The following ARHGAP11A variants were observed in gnomAD, a reference collection of about 807,000 sequenced individuals.
The protein encoded by ARHGAP11A is rho GTPase-activating protein 11A.
In ARHGAP11A, 36 loss-of-function variants were observed where a neutral mutation model predicts 60.5. The ratio of observed to expected loss-of-function variants is 0.59; its 90% CI spans 0.46 to 0.79. The LOEUF (loss-of-function observed/expected upper bound fraction) is 0.79. Among genes scored for constraint, ARHGAP11A ranks in the 30% least tolerant of loss-of-function variants. ARHGAP11A has a pLI of 0.00. For synonymous variants in ARHGAP11A, 362 were observed against 415.5 expected, an observed-to-expected ratio of 0.87 and a Z score of 1.57; for missense variants, 1,071 against 1,199.2, an observed-to-expected ratio of 0.89 and a Z score of 1.58.
Position 32,624,307 on chromosome 15 carries a change from T to G in ARHGAP11A, c.432T>G (p.Ala144=). 6.2e-7 allele frequency: 1 copy of G among 1,613,860 alleles called. No individual in the cohort carries two copies. Among genetic ancestry groups the G allele is most frequent in the Non-Finnish European group, 8.5e-7 (1 of 1,179,860 alleles). ...PADLHEALLK[A]QQLGTEEKNK... The stretch of plus-strand genomic sequence containing the variant: ...ATTTGCATGAAGCACTTTTGAAAGC[T>G]CAACAGTTAGGCACAGAGGAAAAGA... Residue 144 remains alanine (A), a synonymous_variant, in exon 4 of 12, where the codon GCT becomes GCG. Coordinates refer to ENST00000361627, the MANE Select transcript of ARHGAP11A (RefSeq NM_014783.6).
chr15:32,616,777 C>T (rs559060855), intron 1 of ARHGAP11A, among the ~76,000 whole-genome samples: 3 of 152,280 alleles, frequency 2.0e-5, no homozygotes, highest in South Asian at 4.1e-4. Flanking sequence ...AAACTCTACC[C>T]CTCCACCCTT....
intron 8 of ARHGAP11A, 25 bp from the exon 9 acceptor site, chr15:32,632,954 A>G: frequency 6.2e-7 from 1 of 1,602,054 alleles, no homozygotes; most frequent in Non-Finnish European, 8.5e-7. Flanking sequence ...TATGTGTGGT[A>G]TATTACATGT....
chr15:32,637,977 A>AT lies in ARHGAP11A; in HGVS notation c.*139dup, dbSNP rs983993165. The AT allele has an allele frequency of 2.4e-6, 2 of 841,186 alleles. No homozygotes were observed. Among genetic ancestry groups the AT allele is most frequent in the South Asian group, 4.2e-5 (2 of 47,414 alleles). The allele number at this position is 841,186 out of a possible 1,614,324, so 52.1% of individuals were successfully genotyped here. A position where few individuals can be genotyped will look rare whatever the true frequency, so the allele number is the denominator to read the frequency against. On this transcript the variant is annotated 3_prime_UTR_variant, in exon 12 of 12. Coordinates refer to ENST00000361627, the MANE Select transcript of ARHGAP11A (RefSeq NM_014783.6). ...AGATTTGCTCTATTGAAAATGTTTC[A>AT]TTTTTTTCACTGTACAAGCAACTTA...
chr15:32,616,050 G>A lies in ARHGAP11A; in HGVS notation c.-162G>A. 7 of 976,796 alleles carry A rather than the reference G, an allele frequency of 7.2e-6. No homozygotes were observed. The highest frequency in any genetic ancestry group is 1.0e-5 in the Non-Finnish European group (7 of 670,084). The allele number at this position is 976,796 out of a possible 1,614,324, so 60.5% of individuals were successfully genotyped here. On this transcript the variant is annotated 5_prime_UTR_variant, in exon 1 of 12. Transcript: ENST00000361627. Reference sequence around the variant, plus strand: ...GGATGTGAGTGAGGATCAAGGAAAAGCCGTGGAAGTGGCCGGGGGTCGGGG... The same window carrying A: ...GGATGTGAGTGAGGATCAAGGAAAAACCGTGGAAGTGGCCGGGGGTCGGGG...
At chr15:32,621,700 C>CT in intron 2 of ARHGAP11A, among the ~76,000 whole-genome samples, 1 of 152,306 alleles carries the variant, frequency 6.6e-6, no homozygotes, top group Non-Finnish European at 1.5e-5. Context: ...TAGCACGCAC[C>CT]TGTAGTTCCA....
rs2140455926 is a variant in ARHGAP11A, at chr15:32,625,546, T to C, written c.775T>C (p.Cys259Arg). The C allele has an allele frequency of 6.2e-7, 1 of 1,613,874 alleles. No homozygotes were observed. Among genetic ancestry groups the C allele is most frequent in the East Asian group, 2.2e-5 (1 of 44,868 alleles). The change falls in exon 6 of 12, where the codon TGT (cysteine) becomes CGT (arginine). Residue 259 changes from cysteine to arginine, a missense_variant. Physicochemically the swap from Cys to Arg is radical, Grantham distance 180. This residue lies in a region of ARHGAP11A where 196 missense variants were observed against 272.1 expected (regional missense o/e 0.72). Coordinates refer to ENST00000361627, the MANE Select transcript of ARHGAP11A (RefSeq NM_014783.6). ...AGCCATGTTGGGTATTGATGGTCTC[T>C]GTGCTACTCCATCACTGGAAGGCTT... ...IPAMLGIDGL[C>R]ATPSLEGFEE...
intron 9 of ARHGAP11A, among the ~76,000 whole-genome samples, chr15:32,633,466 C>T (rs2053631927): frequency 6.6e-6 from 1 of 151,992 alleles, no homozygotes; most frequent in Non-Finnish European, 1.5e-5. Context: ...CATGGCAAAA[C>T]CTCATCTCTA....
rs1233023636 is a variant in ARHGAP11A, at chr15:32,625,621, CAA to C, written c.852_853del (p.Ser285CysfsTer6). 2 of 1,613,868 alleles carry C rather than the reference CAA, an allele frequency of 1.2e-6. No homozygotes were observed. The highest frequency in any genetic ancestry group is 1.7e-5 in the Admixed American group (1 of 60,012). On this transcript the variant is annotated frameshift_variant, in exon 6 of 12. Transcript: ENST00000361627. LOFTEE classifies it high-confidence loss of function. ...TGGTGAATATAAGAGAAAGAGAAGA[CAA>C]AGTGTAGGAGGTAAGTGGCGGTCCC... ...TPGEYKRKRR[Q>X]SVGDFVSGAL... is the part of the protein sequence containing the mutation.
At chr15:32,619,968 T>C in intron 1 of ARHGAP11A, 140 bp from the exon 2 acceptor site, 3 of 1,463,950 alleles carry the variant, frequency 2.0e-6, no homozygotes, top group African/African-American at 1.4e-5. Context: ...CTTGAAATGA[T>C]TATTTTTGTC....
At chr15:32,619,827 T>A (rs963011252) in intron 1 of ARHGAP11A, among the ~76,000 whole-genome samples, 8 of 151,898 alleles carry the variant, frequency 5.3e-5, no homozygotes, top group African/African-American at 1.9e-4. Context: ...ACTAACCAAA[T>A]TGACTTTATG....
chr15:32,637,897 G>C lies in ARHGAP11A; in HGVS notation c.*52G>C, dbSNP rs765646679. Reference sequence around the variant, plus strand: ...TGTAAATAAAGTGAGTAATTGGTATGACTTGCAGGATGATGTACATGTTAG... The same window carrying C: ...TGTAAATAAAGTGAGTAATTGGTATCACTTGCAGGATGATGTACATGTTAG... On this transcript the variant is annotated 3_prime_UTR_variant, in exon 12 of 12. Coordinates refer to ENST00000361627, the MANE Select transcript of ARHGAP11A (RefSeq NM_014783.6). 103 of 1,408,332 alleles carry C rather than the reference G, an allele frequency of 7.3e-5. No homozygotes were observed. The highest frequency in any genetic ancestry group is 9.4e-5 in the Non-Finnish European group (98 of 1,042,820). The allele number at this position is 1,408,332 out of a possible 1,614,324, so 87.2% of individuals were successfully genotyped here.
At chr15:32,624,965 A>C in intron 4 of ARHGAP11A, 115 bp from the exon 5 acceptor site, 1 of 1,112,260 alleles carries the variant, frequency 9.0e-7, no homozygotes, top group Non-Finnish European at 1.3e-6. Context: ...AAGGGTAACT[A>C]TTTTGACTTG....
At position 32,637,176 on chromosome 15, in the gene ARHGAP11A, G is replaced by A; in HGVS notation, c.2403G>A (p.Met801Ile). The A allele has an allele frequency of 6.2e-7, 1 of 1,614,146 alleles. No homozygotes were observed. The change falls in exon 12 of 12, where the codon ATG (methionine) becomes ATA (isoleucine). Residue 801 changes from methionine to isoleucine, a missense_variant. Met to Ile is a conservative substitution (Grantham distance 10). This residue lies in a region of ARHGAP11A where 776 missense variants were observed against 760.2 expected (regional missense o/e 1.02). Transcript: ENST00000361627. ...AAACAGTTTCTGAAAGTTCACAAAT[G>A]ACAGAACATAGAAAGGTTTCTGATC... is the stretch of plus-strand genomic sequence containing the variant. The part of the protein sequence containing the change: ...CEKTVSESSQ[M>I]TEHRKVSDHI...
Position 32,616,234 on chromosome 15 carries a change from G to T in ARHGAP11A, c.23G>T (p.Arg8Met), listed in dbSNP as rs4470116. MWDQRLVRLALLQHLRAF... is the reference protein window; with the variant it reads MWDQRLVMLALLQHLRAF... The stretch of plus-strand genomic sequence containing the variant: ...GGAATGTGGGATCAGAGGCTGGTGA[G>T]GTTGGCCCTGTTGCAGCATCTGCGG... Residue 8 changes from arginine to methionine, a missense_variant, in exon 1 of 12, where the codon AGG becomes ATG. Arg to Met is a moderately conservative substitution (Grantham distance 91). Coordinates refer to ENST00000361627, the MANE Select transcript of ARHGAP11A (RefSeq NM_014783.6). 3 of 1,614,008 alleles carry T rather than the reference G, an allele frequency of 1.9e-6. No homozygotes were observed. The highest frequency in any genetic ancestry group is 8.5e-7 in the Non-Finnish European group (1 of 1,179,908).
rs947101704 is a variant in ARHGAP11A at position 32,615,917 on chromosome 15, A to G, written c.-295A>G. On this transcript the variant is annotated 5_prime_UTR_variant, in exon 1 of 12. It removes an upstream start codon present in the reference 5' UTR. Transcript: ENST00000361627. ...AACCGAAAGAATCAGAAAGAAGTCT[A>G]TGTGAGTAGCTGAAAGCATTGGGTG... 2.2e-6 allele frequency: 1 copy of G among 452,502 alleles called. No homozygotes were observed. Among genetic ancestry groups the G allele is most frequent in the East Asian group, 3.6e-5 (1 of 28,152 alleles). 28.0% of individuals were successfully genotyped at this position (452,502 alleles called of 1,614,324 possible).
intron 1 of ARHGAP11A, among the ~76,000 whole-genome samples, chr15:32,617,290 T>C (rs1303987919): frequency 1.3e-5 from 2 of 151,932 alleles, no homozygotes; most frequent in Non-Finnish European, 2.9e-5. Flanking sequence ...TGATAAACTT[T>C]GGAGAAGTTA....
At position 32,636,589 on chromosome 15, in the gene ARHGAP11A, T is replaced by C; in HGVS notation, c.1816T>C (p.Ser606Pro). The C allele has an allele frequency of 6.2e-7, 1 of 1,614,146 alleles. No homozygotes were observed. Among genetic ancestry groups the C allele is most frequent in the Non-Finnish European group, 8.5e-7 (1 of 1,180,002 alleles). Reference sequence around the variant, plus strand: ...GAAAGTTCAAAAAGCGTTTTCTGAATCTGGAAGTAATCTTCACGCATTGAT... The same window carrying C: ...GAAAGTTCAAAAAGCGTTTTCTGAACCTGGAAGTAATCTTCACGCATTGAT... ...LVKVQKAFSE[S>P]GSNLHALMNQ... Residue 606 changes from serine (S) to proline (P), a missense_variant, in exon 12 of 12, where the codon TCT becomes CCT. Physicochemically the swap from Ser to Pro is moderately conservative, Grantham distance 74. This residue lies in a region of ARHGAP11A where 776 missense variants were observed against 760.2 expected (regional missense o/e 1.02). Transcript: ENST00000361627.
At chr15:32,631,435 AT>A (rs1455892043) in intron 8 of ARHGAP11A, among the ~76,000 whole-genome samples, 1 of 151,884 alleles carries the variant, frequency 6.6e-6, no homozygotes, top group Non-Finnish European at 1.5e-5. Context: ...AGCTGGGATT[AT>A]AGGTGGCCAC....
Position 32,636,883 on chromosome 15 carries a change from C to T in ARHGAP11A, c.2110C>T (p.His704Tyr), listed in dbSNP as rs1163131488. ...GAAGATGGAACATGAAAAAGACATT[C>T]ATTCAAATATGCCAAAAGATTATTT... ...QMKMEHEKDI[H>Y]SNMPKDYLSK... The change falls in exon 12 of 12, where the codon CAT (histidine) becomes TAT (tyrosine). Residue 704 changes from histidine (H) to tyrosine (Y), a missense_variant. Around this residue, in one of 4 missense-constraint regions of ARHGAP11A, gnomAD observed 776 missense variants for 760.2 expected, o/e 1.02. Coordinates refer to ENST00000361627, the MANE Select transcript of ARHGAP11A (RefSeq NM_014783.6). The T allele has an allele frequency of 3.1e-6, 5 of 1,612,828 alleles. No homozygotes were observed. The highest frequency in any genetic ancestry group is 4.2e-6 in the Non-Finnish European group (5 of 1,179,730).
Sources: gnomAD v4.1 joint callset for allele counts (sites outside exome capture counted in the v4.1 genomes callset) on GRCh38, gnomAD v4.1.1 for gene constraint, gnomAD v4.1.1 regional missense constraint, MANE v1.5 for transcripts, NCBI Gene and HGNC (gene_info 2026-07-23, HGNC 2026-07-21) for gene names.